The following MAML2 variants were observed in gnomAD, a reference collection of about 807,000 sequenced individuals.
The protein encoded by MAML2 is mastermind like transcriptional coactivator 2.
In MAML2, 22 loss-of-function variants were observed where a neutral mutation model predicts 96.1. The ratio of observed to expected loss-of-function variants is 0.23; its 90% confidence interval spans 0.16 to 0.33. The LOEUF (loss-of-function observed/expected upper bound fraction) is 0.33. Among genes scored for constraint, MAML2 ranks in the 10% least tolerant of loss-of-function variants. The pLI, the probability that MAML2 is intolerant of heterozygous loss-of-function variation, is 1.00. For missense variants in MAML2, 1,367 were observed against 1,392.4 expected, an observed-to-expected ratio of 0.98 and a Z score of 0.29; for synonymous variants, 561 against 521.3, an observed-to-expected ratio of 1.08 and a Z score of -1.04.
intron 1 of MAML2, among the ~76,000 whole-genome samples, chr11:96,173,883 C>G (rs995174495): frequency 1.3e-5 from 2 of 152,174 alleles, no homozygotes; most frequent in Non-Finnish European, 2.9e-5. Flanking sequence ...TGTTTTTGCT[C>G]TTTTATTTTT....
chr11:96,197,292 A>G (rs779561384), intron 1 of MAML2, among the ~76,000 whole-genome samples: 3 of 152,202 alleles, frequency 2.0e-5, no homozygotes, highest in Non-Finnish European at 4.4e-5. Flanking sequence ...CCTTCGACAT[A>G]ACTAATTTTG....
At chr11:96,051,628 T>C (rs2135768234) in intron 2 of MAML2, among the ~76,000 whole-genome samples, 1 of 152,272 alleles carries the variant, frequency 6.6e-6, no homozygotes, top group Admixed American at 6.5e-5. Context: ...GAGGTTCACA[T>C]CAAGGACTTC....
At chr11:96,298,710 A>AAT (rs745501515) in intron 1 of MAML2, among the ~76,000 whole-genome samples, 15 of 146,886 alleles carry the variant, frequency 1.0e-4, no homozygotes, top group South Asian at 6.4e-4. Flanking sequence ...TGTGTGTATA[A>AAT]ATATATATAT....
chr11:96,162,044 C>G (rs1390984963), intron 1 of MAML2, among the ~76,000 whole-genome samples: 1 of 152,106 alleles, frequency 6.6e-6, no homozygotes. Context: ...AATTAAGAAG[C>G]ATTTAAATGC....
intron 2 of MAML2, among the ~76,000 whole-genome samples, chr11:96,078,158 T>C (rs1351459665): frequency 1.3e-5 from 2 of 152,236 alleles, no homozygotes; most frequent in African/African-American, 4.8e-5. Context: ...ATCTGGGACT[T>C]ACATTTCTCT....
chr11:96,055,711 A>G (rs1386909149), intron 2 of MAML2, among the ~76,000 whole-genome samples: 1 of 152,220 alleles, frequency 6.6e-6, no homozygotes, highest in Admixed American at 6.5e-5. Flanking sequence ...GAAACAGCCC[A>G]TGTAACCAAG....
chr11:95,989,941 A>G (rs1469159019), intron 3 of MAML2, among the ~76,000 whole-genome samples: 2 of 152,166 alleles, frequency 1.3e-5, no homozygotes, highest in Non-Finnish European at 2.9e-5. Flanking sequence ...ATATTTCATA[A>G]TGCAATCTCA....
intron 2 of MAML2, among the ~76,000 whole-genome samples, chr11:96,053,764 C>T (rs899225526): frequency 2.6e-5 from 4 of 152,176 alleles, no homozygotes; most frequent in Non-Finnish European, 5.9e-5. Flanking sequence ...GAAGGGGCGA[C>T]ATTCTCCTTA....
At chr11:96,231,897 C>G (rs1862298843) in intron 1 of MAML2, among the ~76,000 whole-genome samples, 1 of 152,164 alleles carries the variant, frequency 6.6e-6, no homozygotes, top group Non-Finnish European at 1.5e-5. Flanking sequence ...GTCGCTTTTG[C>G]CTTGATTCCA....
chr11:96,257,156 A>G (rs181357162), intron 1 of MAML2, among the ~76,000 whole-genome samples: 6 of 152,370 alleles, frequency 3.9e-5, no homozygotes, highest in African/African-American at 1.4e-4. Flanking sequence ...AGAGTTGTAG[A>G]CAAATGTTGC....
At chr11:96,108,818 AG>A (rs1371307901) in intron 1 of MAML2, among the ~76,000 whole-genome samples, 1 of 152,094 alleles carries the variant, frequency 6.6e-6, no homozygotes, top group Non-Finnish European at 1.5e-5. Flanking sequence ...AGATCGCTTG[AG>A]TCCAGGAGTT....
intron 2 of MAML2, among the ~76,000 whole-genome samples, chr11:96,038,249 G>A (rs1026651658): frequency 6.6e-6 from 1 of 152,096 alleles, no homozygotes; most frequent in African/African-American, 2.4e-5. Context: ...TTGTTTGCTT[G>A]TTTGTTTTAC....
intron 1 of MAML2, among the ~76,000 whole-genome samples, chr11:96,224,225 T>G (rs894557820): frequency 2.0e-5 from 3 of 152,208 alleles, no homozygotes; most frequent in African/African-American, 7.2e-5. Flanking sequence ...TAAATAGTTA[T>G]TAGTAGTACA....
chr11:96,168,870 G>T (rs566752763), intron 1 of MAML2, among the ~76,000 whole-genome samples: 1 of 152,176 alleles, frequency 6.6e-6, no homozygotes, highest in East Asian at 1.9e-4. Context: ...TTTGAGAAAC[G>T]TTTCTGTGTA....
At chr11:96,306,452 A>G (rs1037517824) in intron 1 of MAML2, among the ~76,000 whole-genome samples, 1 of 152,214 alleles carries the variant, frequency 6.6e-6, no homozygotes, top group African/African-American at 2.4e-5. Flanking sequence ...TGTGACTTGA[A>G]AGGTCAAAAC....
chr11:96,143,699 T>G (rs1325028702), intron 1 of MAML2, among the ~76,000 whole-genome samples: 3 of 152,212 alleles, frequency 2.0e-5, no homozygotes, highest in Non-Finnish European at 4.4e-5. Flanking sequence ...TTTTGTGCTT[T>G]TAGACTCCAA....
chr11:96,274,759 T>C (rs974800260), intron 1 of MAML2, among the ~76,000 whole-genome samples: 3 of 152,158 alleles, frequency 2.0e-5, no homozygotes, highest in Non-Finnish European at 4.4e-5. Context: ...ATATCTGGAT[T>C]AGATGTTTAA....
intron 1 of MAML2, among the ~76,000 whole-genome samples, chr11:96,313,719 A>C (rs893057701): frequency 4.7e-4 from 72 of 152,354 alleles, no homozygotes; most frequent in Middle Eastern, 3.4e-3. Context: ...ACAGAGAACC[A>C]TATATTTTTA....
intron 1 of MAML2, among the ~76,000 whole-genome samples, chr11:96,333,353 GAA>G (rs752748249): frequency 7.2e-6 from 1 of 139,040 alleles, no homozygotes; most frequent in Admixed American, 7.2e-5. Context: ...GGGAGTAAGC[GAA>G]AAAAAAAAAA....
Sources: gnomAD v4.1 joint callset for allele counts (sites outside exome capture counted in the v4.1 genomes callset) on GRCh38, gnomAD v4.1.1 for gene constraint, MANE v1.5 for transcripts, NCBI Gene and HGNC (gene_info 2026-07-23, HGNC 2026-07-21) for gene names.